Variants in PIK3R1 observed in about 807,000 individuals in gnomAD.
The protein encoded by PIK3R1 is phosphatidylinositol 3-kinase regulatory subunit alpha.
A neutral mutation model predicts 98.0 loss-of-function variants in PIK3R1; 29 were observed. That is an observed-to-expected ratio of 0.30 (90% CI 0.22 to 0.40). The LOEUF (loss-of-function observed/expected upper bound fraction) is 0.40, where lower values mean the gene tolerates loss of function less well. PIK3R1 is among the 10% of genes least tolerant of loss of function. The pLI, the probability that PIK3R1 is intolerant of heterozygous loss-of-function variation, is 1.00. For missense variants in PIK3R1, 596 were observed against 872.7 expected, an observed-to-expected ratio of 0.68 and a Z score of 3.99; for synonymous variants, 282 against 311.8, an observed-to-expected ratio of 0.90 and a Z score of 1.01.
At chr5:68,286,145 A>G (rs1017224702) in intron 7 of PIK3R1, among the ~76,000 whole-genome samples, 51 of 152,180 alleles carry the variant, frequency 3.4e-4, no homozygotes, top group Non-Finnish European at 4.7e-4. Context: ...TCCTAACTAT[A>G]TCTGCTGAGA....
chr5:68,284,649 T>C (rs146726532), intron 7 of PIK3R1, among the ~76,000 whole-genome samples: 120 of 152,374 alleles, frequency 7.9e-4, no homozygotes, highest in Middle Eastern at 3.4e-3. Flanking sequence ...TGTCACCTTA[T>C]GTTTAACTGT....
chr5:68,294,696 T>C lies in PIK3R1; in HGVS notation c.1568+18T>C. The C allele has an allele frequency of 6.3e-7, 1 of 1,587,346 alleles. No homozygotes were observed. Among genetic ancestry groups the C allele is most frequent in the East Asian group, 2.3e-5 (1 of 43,938 alleles). ...ATACAAAGGTTGGTGTTTCCCTTGTTCTTGTGCTAGAGATAACCAAAATCC... is the reference window on the plus strand; with the variant it reads ...ATACAAAGGTTGGTGTTTCCCTTGTCCTTGTGCTAGAGATAACCAAAATCC... On this transcript the variant is annotated intron_variant, in intron 12 of 15. Transcript: ENST00000521381.
Position 68,297,577 on chromosome 5 carries a change from A to G in PIK3R1, c.2151A>G (p.Pro717=). Residue 717 remains proline, a synonymous_variant, in exon 16 of 16, where the codon CCA becomes CCG. Coordinates refer to ENST00000521381, the MANE Select transcript of PIK3R1 (RefSeq NM_181523.3). ...NDSLNVTLAY[P]VYAQQRR ...CCCTCAATGTCACACTAGCCTACCCAGTATATGCACAGCAGAGGCGATGAA... is the reference window on the plus strand; with the variant it reads ...CCCTCAATGTCACACTAGCCTACCCGGTATATGCACAGCAGAGGCGATGAA... 1 of 1,614,088 alleles carries G rather than the reference A, an allele frequency of 6.2e-7. No individual in the cohort carries two copies. Among genetic ancestry groups the G allele is most frequent in the South Asian group, 1.1e-5 (1 of 91,076 alleles).
chr5:68,292,348 G>C lies in PIK3R1; in HGVS notation c.1006G>C (p.Gly336Arg). Residue 336 changes from glycine (G) to arginine (R), a missense_variant, in exon 8 of 16, where the codon GGA (glycine) becomes CGA (arginine). Physicochemically the swap from Gly to Arg is moderately radical, Grantham distance 125 (BLOSUM62 -2). Around this residue, in one of 3 missense-constraint regions of PIK3R1, gnomAD observed 37 missense variants for 118.0 expected, o/e 0.31. Transcript: ENST00000521381. The part of the protein sequence containing the change: ...MSLQDAEWYW[G>R]DISREEVNEK... ...CTTACAAGATGCTGAATGGTACTGG[G>C]GAGATATCTCGAGGTAAGGCTACAG... is the stretch of plus-strand genomic sequence containing the variant. 1.2e-6 allele frequency: 2 copies of C among 1,607,834 alleles called. No individual in the cohort carries two copies. Among genetic ancestry groups the C allele is most frequent in the Non-Finnish European group, 1.7e-6 (2 of 1,174,468 alleles).
rs567365138 is a variant in PIK3R1 at position 68,288,571 on chromosome 5, G to A, written c.917-3688G>A. 2.8e-5 allele frequency: 43 copies of A among 1,516,762 alleles called. 1 individual carries two copies. In the South Asian group the frequency reaches 5.7e-4, roughly 20 times the overall value. The allele number at this position is 1,516,762 out of a possible 1,614,324, so 94.0% of individuals were successfully genotyped here. On this transcript the variant is annotated intron_variant, in intron 7 of 15. Coordinates refer to ENST00000521381, the MANE Select transcript of PIK3R1 (RefSeq NM_181523.3). ...TGTGCACGCCCGGAGGGTCCTGGCG[G>A]CGCCCCCGCTCCTGCGCGCACTCTC... is the stretch of plus-strand genomic sequence containing the variant.
chr5:68,247,986 T>C (rs1745166603), intron 2 of PIK3R1, among the ~76,000 whole-genome samples: 1 of 151,946 alleles, frequency 6.6e-6, no homozygotes, highest in African/African-American at 2.4e-5. Context: ...ATTTCCATAC[T>C]GGGAAAATGT....
At chr5:68,295,063 G>A in intron 12 of PIK3R1, 85 bp from the exon 13 acceptor site, 1 of 1,147,498 alleles carries the variant, frequency 8.7e-7, no homozygotes, top group Non-Finnish European at 1.2e-6. Context: ...AAACTGCTGG[G>A]AAACCATAGT....
rs535033913 is a variant in PIK3R1, at chr5:68,294,742, A to T, written c.1568+64A>T. The T allele has an allele frequency of 9.4e-6, 12 of 1,282,664 alleles. No homozygotes were observed. In the South Asian group the frequency reaches 1.5e-4, roughly 16 times the overall value. The allele number at this position is 1,282,664 out of a possible 1,614,324, so 79.5% of individuals were successfully genotyped here. ...AATCCTCTAAAACCATTTAAAGATGATCTCGCTTTCTGTGCTTTGAATGAT... is the reference window on the plus strand; with the variant it reads ...AATCCTCTAAAACCATTTAAAGATGTTCTCGCTTTCTGTGCTTTGAATGAT... On this transcript the variant is annotated intron_variant, in intron 12 of 15. Transcript: ENST00000521381.
chr5:68,270,616 G>A (rs1746315261), intron 2 of PIK3R1, among the ~76,000 whole-genome samples: 1 of 152,138 alleles, frequency 6.6e-6, no homozygotes, highest in African/African-American at 2.4e-5. Flanking sequence ...GCATGGATAT[G>A]TATTTACTAT....
At chr5:68,289,093 C>T (rs1747238396) in intron 7 of PIK3R1, among the ~76,000 whole-genome samples, 1 of 152,190 alleles carries the variant, frequency 6.6e-6, no homozygotes, top group Non-Finnish European at 1.5e-5. Context: ...GACTGGTTTG[C>T]ACCGACGGTT....
rs774531250 is a variant in PIK3R1 at position 68,273,402 on chromosome 5, C to G, written c.347C>G (p.Pro116Arg). Residue 116 changes from proline (P) to arginine (R), a missense_variant, in exon 3 of 16, where the codon CCG becomes CGG. This residue lies in a region of PIK3R1 where 352 missense variants were observed against 393.3 expected (regional missense o/e 0.90). Coordinates refer to ENST00000521381, the MANE Select transcript of PIK3R1 (RefSeq NM_181523.3). ...TTGTTGTTTGCAGCTTTGACTCTCC[C>G]GGATCTTGCAGAGCAGTTTGCCCCT... Reference protein sequence around the residue: ...ADVEQQALTLPDLAEQFAPPD... With the variant: ...ADVEQQALTLRDLAEQFAPPD... 1 of 1,614,032 alleles carries G rather than the reference C, an allele frequency of 6.2e-7. No homozygotes were observed. Among genetic ancestry groups the G allele is most frequent in the Non-Finnish European group, 8.5e-7 (1 of 1,179,932 alleles).
Position 68,297,634 on chromosome 5 carries a change from C to A in PIK3R1, c.*33C>A. 6.3e-7 allele frequency: 1 copy of A among 1,596,078 alleles called. No homozygotes were observed. Among genetic ancestry groups the A allele is most frequent in the South Asian group, 1.1e-5 (1 of 89,524 alleles). ...ACTCTTTGATCCTTCTCCTGAAGTT[C>A]AGCCACCCTGAGGCCTCTGGAAAGC... is the stretch of plus-strand genomic sequence containing the variant. On this transcript the variant is annotated 3_prime_UTR_variant, in exon 16 of 16. Coordinates refer to ENST00000521381, the MANE Select transcript of PIK3R1 (RefSeq NM_181523.3).
At chr5:68,227,773 G>A (rs1238622447) in intron 2 of PIK3R1, among the ~76,000 whole-genome samples, 1 of 152,152 alleles carries the variant, frequency 6.6e-6, no homozygotes, top group African/African-American at 2.4e-5. Context: ...TCCTTTGTGG[G>A]TAGTGTCATT....
intron 2 of PIK3R1, among the ~76,000 whole-genome samples, chr5:68,256,568 G>A (rs1277149394): frequency 2.6e-5 from 4 of 152,146 alleles, no homozygotes; most frequent in Admixed American, 1.3e-4. Context: ...TAAATTCAAG[G>A]TATTATTGCT....
chr5:68,262,386 T>TTA (rs1554047786), intron 2 of PIK3R1, among the ~76,000 whole-genome samples: 3,689 of 138,460 alleles, frequency 0.027, 82 homozygotes, highest in African/African-American at 0.049. Flanking sequence ...TCTATAATTT[T>TTA]TATATATATA....
At chr5:68,271,225 G>C (rs1819987) in intron 2 of PIK3R1, among the ~76,000 whole-genome samples, 75,706 of 152,062 alleles carry the variant, frequency 0.5, 21,155 homozygotes, top group African/African-American at 0.77. Flanking sequence ...GTGTGGGAGA[G>C]ACCAGAGAGA....
intron 2 of PIK3R1, among the ~76,000 whole-genome samples, chr5:68,268,281 T>C (rs1339306686): frequency 6.6e-6 from 1 of 152,154 alleles, no homozygotes; most frequent in Non-Finnish European, 1.5e-5. Flanking sequence ...TAAACAGATG[T>C]GTCCCAAAAT....
In PIK3R1 at chr5:68,280,538, C is replaced by T. The variant is rs2112194518; in HGVS notation, c.645C>T (p.Ser215=). ...EMISLAPEVQ[S]SEEYIQLLKK... ...TTTTTAAACTTGTAGAAGTACAAAG[C>T]TCCGAAGAATATATTCAGCTATTGA... The change falls in exon 6 of 16, where the codon AGC becomes AGT. Residue 215 remains serine (S), a synonymous_variant. Transcript: ENST00000521381. 1.2e-6 allele frequency: 2 copies of T among 1,601,852 alleles called. No homozygotes were observed. Among genetic ancestry groups the T allele is most frequent in the Non-Finnish European group, 1.7e-6 (2 of 1,170,418 alleles).
chr5:68,291,028 G>A, intron 7 of PIK3R1: 1 of 482,840 alleles, frequency 2.1e-6, no homozygotes, highest in Non-Finnish European at 3.7e-6. Context: ...CAGGCTGTGT[G>A]TGGTAAATGC....
Sources: allele counts gnomAD v4.1 joint callset (sites outside exome capture counted in the v4.1 genomes callset), GRCh38; gene constraint gnomAD v4.1.1; regional missense constraint gnomAD v4.1.1; transcripts MANE v1.5; gene names NCBI Gene and HGNC (gene_info 2026-07-23, HGNC 2026-07-21).